Variants in PTPRM observed in about 807,000 individuals in gnomAD.
PTPRM encodes the protein receptor-type tyrosine-protein phosphatase mu.
Under a neutral mutation model 186.7 loss-of-function variants are expected in PTPRM, and 47 were observed. The observed-to-expected ratio is 0.25, with a 90% CI of 0.20 to 0.32. The LOEUF (loss-of-function observed/expected upper bound fraction) is 0.32, where lower values mean the gene tolerates loss of function less well. Among genes scored for constraint, PTPRM ranks in the 10% least tolerant of loss-of-function variants. The pLI, the probability that PTPRM is intolerant of heterozygous loss-of-function variation, is 1.00. For missense variants in PTPRM, 1,494 were observed against 1,865.0 expected (o/e 0.80, Z 3.66); for synonymous variants, 668 against 674.9 (o/e 0.99, Z 0.16).
intron 1 of PTPRM, among the ~76,000 whole-genome samples, chr18:7,757,410 T>C (rs927528508): frequency 2.0e-5 from 3 of 152,228 alleles, no homozygotes; most frequent in African/African-American, 7.2e-5. Flanking sequence ...ATTTGCACAA[T>C]ACTTTTGAGT....
At position 8,106,331 on chromosome 18, in the gene PTPRM, T is replaced by TG. The variant is rs992160768; in HGVS notation, c.1857-7155_1857-7154insG. On this transcript the variant is annotated intron_variant, in intron 11 of 32. Transcript: ENST00000580170. ...GTTAATAAACATGTTGGCTTTTTTT[T>TG]TTGTTGCTGTTGTGTTATCTTTAAT... Among the ~76,000 whole-genome samples the TG allele has an allele frequency of 1.4e-4, 22 of 152,190 alleles. No homozygotes were observed. The South Asian group carries it at 2.7e-3, about 19-fold the overall frequency.
intron 19 of PTPRM, among the ~76,000 whole-genome samples, 160 bp downstream of exon 19, chr18:8,253,574 G>C (rs780626146): frequency 1.3e-4 from 20 of 152,006 alleles, no homozygotes; most frequent in Admixed American, 9.2e-4. Flanking sequence ...TGGGGGATTG[G>C]TTCCAGGACC....
chr18:7,591,245 TG>T (rs1264478873), intron 1 of PTPRM, among the ~76,000 whole-genome samples: 1 of 152,236 alleles, frequency 6.6e-6, no homozygotes, highest in African/African-American at 2.4e-5. Flanking sequence ...CCTCTGGAAT[TG>T]TTTCTTTGCT....
At chr18:7,884,924 CAAAAAAAAA>C (rs56724615) in intron 2 of PTPRM, among the ~76,000 whole-genome samples, 4 of 37,850 alleles carry the variant, frequency 1.1e-4, no homozygotes, top group Non-Finnish European at 1.4e-4. Flanking sequence ...AGCTCCATCT[CAAAAAAAAA>C]AAAAAAAAAA....
chr18:8,190,423 A>G (rs2093695582), intron 14 of PTPRM, among the ~76,000 whole-genome samples: 1 of 152,210 alleles, frequency 6.6e-6, no homozygotes, highest in South Asian at 2.1e-4. Context: ...AAGTTCACCC[A>G]TATTGTCACA....
chr18:7,936,632 G>C (rs2051829680), intron 5 of PTPRM, among the ~76,000 whole-genome samples: 1 of 152,184 alleles, frequency 6.6e-6, no homozygotes, highest in Non-Finnish European at 1.5e-5. Flanking sequence ...ATGAACAGGA[G>C]GCAGACAGGC....
At chr18:8,273,234 G>A (rs947072314) in intron 19 of PTPRM, among the ~76,000 whole-genome samples, 2 of 152,148 alleles carry the variant, frequency 1.3e-5, no homozygotes, top group Middle Eastern at 3.2e-3. Context: ...TATTTTGTAA[G>A]AGATGTTTCT....
At chr18:8,026,676 G>T (rs1050919658) in intron 7 of PTPRM, among the ~76,000 whole-genome samples, 4 of 152,102 alleles carry the variant, frequency 2.6e-5, no homozygotes, top group African/African-American at 9.7e-5. Flanking sequence ...GGCCAACATG[G>T]TGAAACCCCA....
At chr18:8,077,483 G>A (rs894007705) in intron 9 of PTPRM, among the ~76,000 whole-genome samples, 27 of 152,034 alleles carry the variant, frequency 1.8e-4, no homozygotes, top group African/African-American at 6.3e-4. Flanking sequence ...AAAGCTAAGC[G>A]AAGAAAGATA....
At chr18:7,635,113 A>G (rs535455458) in intron 1 of PTPRM, among the ~76,000 whole-genome samples, 169 of 152,304 alleles carry the variant, frequency 1.1e-3, no homozygotes, top group African/African-American at 4.0e-3. Context: ...ATAAAAAAGA[A>G]CTTAAAATTT....
intron 11 of PTPRM, among the ~76,000 whole-genome samples, chr18:8,089,482 A>G (rs931455418): frequency 3.9e-5 from 6 of 152,174 alleles, no homozygotes; most frequent in Non-Finnish European, 7.4e-5. Flanking sequence ...TATTTCCACG[A>G]CAGAGCAAAG....
chr18:7,784,185 T>C (rs1226215691), intron 2 of PTPRM, among the ~76,000 whole-genome samples: 2 of 152,148 alleles, frequency 1.3e-5, no homozygotes, highest in Non-Finnish European at 2.9e-5. Flanking sequence ...GCCGAATACA[T>C]TTAAATAAAT....
intron 1 of PTPRM, among the ~76,000 whole-genome samples, chr18:7,603,675 T>C (rs2037461187): frequency 6.6e-6 from 1 of 152,264 alleles, no homozygotes; most frequent in African/African-American, 2.4e-5. Flanking sequence ...TGCCAGTTGG[T>C]AGCTTTGGCT....
At chr18:7,611,331 G>A (rs575473229) in intron 1 of PTPRM, among the ~76,000 whole-genome samples, 7 of 152,304 alleles carry the variant, frequency 4.6e-5, no homozygotes, top group East Asian at 3.9e-4. Context: ...GCAGTGTGCA[G>A]TAATGTCCTA....
At chr18:7,820,213 C>T (rs1270812265) in intron 2 of PTPRM, among the ~76,000 whole-genome samples, 1 of 152,106 alleles carries the variant, frequency 6.6e-6, no homozygotes, top group African/African-American at 2.4e-5. Context: ...GAAGCTTTGT[C>T]CTTGGAGCTG....
chr18:8,357,774 A>C (rs1007193431), intron 23 of PTPRM, among the ~76,000 whole-genome samples: 9 of 152,246 alleles, frequency 5.9e-5, no homozygotes, highest in African/African-American at 2.2e-4. Context: ...ACTGTGGTTT[A>C]AAGGAGATGC....
intron 13 of PTPRM, among the ~76,000 whole-genome samples, chr18:8,130,542 G>A (rs1027996587): frequency 2.0e-5 from 3 of 152,182 alleles, no homozygotes; most frequent in Admixed American, 1.3e-4. Flanking sequence ...TAATAAAAAT[G>A]TCAAGCTTGC....
At chr18:8,340,134 A>G (rs2095465931) in intron 22 of PTPRM, among the ~76,000 whole-genome samples, 1 of 152,238 alleles carries the variant, frequency 6.6e-6, no homozygotes, top group Admixed American at 6.5e-5. Flanking sequence ...TGCGTGTGGC[A>G]GAAGGAACGG....
chr18:8,217,000 G>A (rs962821908), intron 14 of PTPRM, among the ~76,000 whole-genome samples: 2 of 152,198 alleles, frequency 1.3e-5, no homozygotes, highest in African/African-American at 2.4e-5. Context: ...ATAGCTTCGC[G>A]TAGAGTAACT....
Sources: gnomAD v4.1 joint callset for allele counts (sites outside exome capture counted in the v4.1 genomes callset) on GRCh38, gnomAD v4.1.1 for gene constraint, MANE v1.5 for transcripts, NCBI Gene and HGNC (gene_info 2026-07-23, HGNC 2026-07-21) for gene names.